VPS37A: variants seen among roughly 807,000 people sequenced by gnomAD.
The protein encoded by VPS37A is vacuolar protein sorting-associated protein 37A.
VPS37A carries 30 observed loss-of-function variants against 49.8 expected under a neutral mutation model. The ratio of observed to expected loss-of-function variants is 0.60; its 90% CI spans 0.45 to 0.82. The LOEUF is 0.82. VPS37A is among the 40% of genes least tolerant of loss of function. The probability of loss-of-function intolerance (pLI) is 0.00; values close to 1 mark genes in which losing one functional copy is unlikely to be tolerated. For missense variants in VPS37A, 593 were observed against 464.4 expected (o/e 1.28, Z -2.55); for synonymous variants, 195 against 160.6 (o/e 1.21, Z -1.62).
At position 17,276,146 on chromosome 8, in the gene VPS37A, A is replaced by G. The variant is rs73208567; in HGVS notation, c.643-251A>G. 0.066 allele frequency among the ~76,000 whole-genome samples: 10,103 copies of G among 152,034 alleles called. 462 individuals are homozygous for G. Among genetic ancestry groups the G allele is most frequent in the Non-Finnish European group, 0.099 (6,711 of 67,932 alleles). ...ATGTACTTAGACAAGAAAGAGAACT[A>G]CCAGTTCTCTACCTAACACAGGTCC... On this transcript the variant is annotated intron_variant, in intron 5 of 11. Transcript: ENST00000324849.
At chr8:17,325,028 C>T in the VPS37A span, among the ~76,000 whole-genome samples, 1 of 152,072 alleles carries the variant, frequency 6.6e-6, no homozygotes, top group Non-Finnish European at 1.5e-5. Flanking sequence ...CTACAAAGGG[C>T]TGAGTCCATC....
intron 1 of VPS37A, among the ~76,000 whole-genome samples, chr8:17,257,590 C>G (rs1030383986): frequency 1.2e-4 from 19 of 152,214 alleles, no homozygotes; most frequent in African/African-American, 4.3e-4. Flanking sequence ...ACCTATGTAA[C>G]AAAACTGCAC....
chr8:17,313,329 A>C, the VPS37A span: 1 of 1,613,496 alleles, frequency 6.2e-7, no homozygotes, highest in Non-Finnish European at 8.5e-7. Flanking sequence ...TATGGCTTTA[A>C]TGTGCCTTAA....
At chr8:17,294,517 C>T (rs889231168) in intron 11 of VPS37A, among the ~76,000 whole-genome samples, 15 of 152,130 alleles carry the variant, frequency 9.9e-5, no homozygotes, top group African/African-American at 2.4e-4. Context: ...GCAGCTAGCT[C>T]GATGTCTGGC....
intron 11 of VPS37A, among the ~76,000 whole-genome samples, chr8:17,288,970 G>A (rs1309426058): frequency 6.6e-6 from 1 of 152,194 alleles, no homozygotes; most frequent in Admixed American, 6.5e-5. Context: ...CTAGTGACCA[G>A]TGATGATGAG....
At chr8:17,253,953 T>A (rs1188643397) in intron 1 of VPS37A, among the ~76,000 whole-genome samples, 10 of 152,232 alleles carry the variant, frequency 6.6e-5, no homozygotes, top group Non-Finnish European at 1.0e-4. Flanking sequence ...TCCAGTTTCT[T>A]GCTTTTTCAT....
intron 4 of VPS37A, 94 bp from the exon 5 acceptor site, chr8:17,274,639 G>T: frequency 1.1e-6 from 1 of 908,018 alleles, no homozygotes; most frequent in Non-Finnish European, 1.7e-6. Flanking sequence ...CATCTATATA[G>T]TACTTGACCT....
chr8:17,261,879 G>C (rs1475995184), intron 1 of VPS37A, among the ~76,000 whole-genome samples: 1 of 152,196 alleles, frequency 6.6e-6, no homozygotes, highest in African/African-American at 2.4e-5. Flanking sequence ...AGACAGGGCA[G>C]TTTCCAGGGT....
downstream of VPS37A, among the ~76,000 whole-genome samples, chr8:17,300,759 C>A (rs531743889): frequency 3.9e-5 from 6 of 152,348 alleles, no homozygotes; most frequent in African/African-American, 1.2e-4. Context: ...TACTCATTAG[C>A]AGTCATTTCC....
chr8:17,329,866 T>G, the VPS37A span, among the ~76,000 whole-genome samples: 1 of 152,146 alleles, frequency 6.6e-6, no homozygotes. Flanking sequence ...TGTCAGGTAT[T>G]GTCACTGTGA....
the VPS37A span, among the ~76,000 whole-genome samples, chr8:17,314,315 C>T: frequency 1.3e-5 from 2 of 152,104 alleles, no homozygotes; most frequent in Non-Finnish European, 2.9e-5. Flanking sequence ...ATGCAGTAAA[C>T]ACACATAGGG....
At chr8:17,316,799 A>T in the VPS37A span, among the ~76,000 whole-genome samples, 1 of 152,180 alleles carries the variant, frequency 6.6e-6, no homozygotes, top group East Asian at 1.9e-4. Flanking sequence ...CATAGGCTAT[A>T]TGCAAATACA....
intron 2 of VPS37A, among the ~76,000 whole-genome samples, chr8:17,267,130 T>C (rs555848672): frequency 6.6e-6 from 1 of 152,274 alleles, no homozygotes; most frequent in Admixed American, 6.5e-5. Context: ...AGTAGCATAG[T>C]CAAGATACAA....
chr8:17,285,781 A>G (rs1815533067), intron 10 of VPS37A, among the ~76,000 whole-genome samples: 2 of 152,228 alleles, frequency 1.3e-5, no homozygotes, highest in South Asian at 4.1e-4. Context: ...CTTCCTGCTT[A>G]ACAGTAGCAG....
chr8:17,311,750 C>T, the VPS37A span: 1 of 1,507,490 alleles, frequency 6.6e-7, no homozygotes, highest in East Asian at 2.3e-5. Context: ...CAAAACGAAA[C>T]ACCTGTCCAT....
chr8:17,297,192 G>T lies in VPS37A; in HGVS notation c.*2206G>T, dbSNP rs1816726891. On this transcript the variant is annotated 3_prime_UTR_variant, in exon 12 of 12. Coordinates refer to ENST00000324849, the MANE Select transcript of VPS37A (RefSeq NM_152415.3). ...CAGAATTAAAGAGGAATACTTAGGA[G>T]TTACTAGGCTAATCAGTGTACGAAT... 1 of 152,172 alleles carries T rather than the reference G, an allele frequency of 6.6e-6. No homozygotes were observed. The highest frequency in any genetic ancestry group is 1.5e-5 in the Non-Finnish European group (1 of 68,004). The allele number at this position is 152,172 out of a possible 1,614,324, so 9.4% of individuals were successfully genotyped here.
At chr8:17,250,379 TTGGTTATTCTAAAGGTG>T (rs1449602390) in intron 1 of VPS37A, among the ~76,000 whole-genome samples, 2 of 152,192 alleles carry the variant, frequency 1.3e-5, no homozygotes, top group Non-Finnish European at 2.9e-5. Flanking sequence ...AACAGACAGA[TTGGTTATTCTAAAGGTG>T]TGGTGTGTAA....
chr8:17,293,077 T>G (rs1345651219), intron 11 of VPS37A, among the ~76,000 whole-genome samples: 1 of 152,200 alleles, frequency 6.6e-6, no homozygotes, highest in Non-Finnish European at 1.5e-5. Flanking sequence ...TCTGTCACTT[T>G]CAGGTACACC....
In VPS37A at chr8:17,256,554, T is replaced by C. The variant is rs539913505; in HGVS notation, c.125+9185T>C. Among the ~76,000 whole-genome samples, 63 of 152,140 alleles carry C rather than the reference T, an allele frequency of 4.1e-4. 2 individuals carry two copies. The South Asian group carries it at 0.013, about 31-fold the overall frequency. On this transcript the variant is annotated intron_variant, in intron 1 of 11. Coordinates refer to ENST00000324849, the MANE Select transcript of VPS37A (RefSeq NM_152415.3). ...ATTCGGTAGTTAATCCTTTGTCAGATGGATAGTTTACAAAAGTTTTCTCCC... is the reference window on the plus strand; with the variant it reads ...ATTCGGTAGTTAATCCTTTGTCAGACGGATAGTTTACAAAAGTTTTCTCCC...
Sources: gnomAD v4.1 joint callset for allele counts (sites outside exome capture counted in the v4.1 genomes callset) on GRCh38, gnomAD v4.1.1 for gene constraint, MANE v1.5 for transcripts, NCBI Gene and HGNC (gene_info 2026-07-23, HGNC 2026-07-21) for gene names.